Variants in CSMD1 observed in about 807,000 individuals in gnomAD.
CSMD1 encodes the protein CUB and sushi domain-containing protein 1.
A neutral mutation model predicts 417.5 loss-of-function variants in CSMD1; 213 were observed. The ratio of observed to expected loss-of-function variants is 0.51; its 90% confidence interval spans 0.46 to 0.57. The LOEUF (loss-of-function observed/expected upper bound fraction) is 0.57, where lower values mean the gene tolerates loss of function less well. Ranked by LOEUF, CSMD1 falls within the 20% of genes least tolerant of loss-of-function variation. The probability of loss-of-function intolerance (pLI) is 0.00; values close to 1 mark genes in which losing one functional copy is unlikely to be tolerated. For synonymous variants in CSMD1, 2,862 were observed against 1,736.8 expected, an observed-to-expected ratio of 1.65 and a Z score of -16.11; for missense variants, 6,923 against 4,529.7, an observed-to-expected ratio of 1.53 and a Z score of -15.17.
At chr8:3,565,207 TAGATAGAG>T (rs1308854428) in intron 10 of CSMD1, among the ~76,000 whole-genome samples, 2 of 117,246 alleles carry the variant, frequency 1.7e-5, no homozygotes, top group East Asian at 2.7e-4. Flanking sequence ...GACAGATAGA[TAGATAGAG>T]AGATAGACAG....
chr8:4,045,009 T>C (rs1798078156), intron 3 of CSMD1, among the ~76,000 whole-genome samples: 1 of 152,248 alleles, frequency 6.6e-6, no homozygotes, highest in Non-Finnish European at 1.5e-5. Flanking sequence ...ATAATTACAA[T>C]GTTATGCCTG....
intron 1 of CSMD1, among the ~76,000 whole-genome samples, chr8:4,679,013 G>C (rs923546696): frequency 3.9e-5 from 6 of 152,170 alleles, no homozygotes; most frequent in Non-Finnish European, 8.8e-5. Flanking sequence ...GAACAACAGG[G>C]ACCTGCCCAA....
At chr8:3,295,482 C>G (rs1475007910) in intron 25 of CSMD1, among the ~76,000 whole-genome samples, 1 of 152,118 alleles carries the variant, frequency 6.6e-6, no homozygotes, top group Non-Finnish European at 1.5e-5. Context: ...AAAGGTAGAA[C>G]TTTGTTAATT....
At chr8:4,328,395 C>G (rs975838332) in intron 3 of CSMD1, among the ~76,000 whole-genome samples, 5 of 151,746 alleles carry the variant, frequency 3.3e-5, no homozygotes, top group African/African-American at 1.2e-4. Context: ...TTTATTACTT[C>G]TGGTTTCTAC....
chr8:3,877,263 G>C (rs1488704061), intron 5 of CSMD1, among the ~76,000 whole-genome samples: 2 of 152,106 alleles, frequency 1.3e-5, no homozygotes, highest in African/African-American at 2.4e-5. Flanking sequence ...AGATGTCCTG[G>C]TGTGGCCCTT....
chr8:3,174,897 T>C (rs929577745), intron 37 of CSMD1, among the ~76,000 whole-genome samples: 23 of 152,182 alleles, frequency 1.5e-4, no homozygotes, highest in African/African-American at 5.5e-4. Flanking sequence ...ATATTCTTAT[T>C]TTTTACATGT....
rs1815351739 is a variant in CSMD1, at chr8:3,997,994, C to T, written c.727G>A (p.Gly243Arg). ...DCTWTILAEP[G>R]DTIALVFTDF... ...GTGAAGACCAGCGCAATGGTGTCCC[C>T]GGGCTCAGCCAGAATGGTCCAGGTG... The change falls in exon 5 of 70, where the codon GGG becomes AGG. Residue 243 changes from glycine to arginine, a missense_variant. Transcript: ENST00000635120. 1 of 1,609,860 alleles carries T rather than the reference C, an allele frequency of 6.2e-7. No individual in the cohort carries two copies. Among genetic ancestry groups the T allele is most frequent in the Admixed American group, 1.7e-5 (1 of 59,560 alleles).
chr8:4,418,949 T>C (rs1797098091), intron 3 of CSMD1, among the ~76,000 whole-genome samples: 1 of 152,194 alleles, frequency 6.6e-6, no homozygotes, highest in African/African-American at 2.4e-5. Context: ...AGTCGGTCCA[T>C]TCCTATGTCT....
At chr8:4,475,171 G>A (rs1800733085) in intron 2 of CSMD1, among the ~76,000 whole-genome samples, 2 of 152,114 alleles carry the variant, frequency 1.3e-5, no homozygotes, top group Non-Finnish European at 2.9e-5. Flanking sequence ...TATGATTATG[G>A]TTGCCTATAA....
intron 69 of CSMD1, among the ~76,000 whole-genome samples, chr8:2,941,230 C>T (rs1690682150): frequency 6.6e-6 from 1 of 152,110 alleles, no homozygotes; most frequent in South Asian, 2.1e-4. Flanking sequence ...AAGACACAGG[C>T]ACAAGCAGCT....
At chr8:4,204,704 G>A (rs575213659) in intron 3 of CSMD1, among the ~76,000 whole-genome samples, 3 of 152,188 alleles carry the variant, frequency 2.0e-5, no homozygotes, top group Admixed American at 2.0e-4. Context: ...ACCCAGGCTG[G>A]AATGCAGCAG....
chr8:3,307,659 TTTCTC>T, intron 25 of CSMD1, 31 bp downstream of exon 25: 2 of 1,602,178 alleles, frequency 1.2e-6, no homozygotes, highest in Non-Finnish European at 1.7e-6. Context: ...GCATATCTCT[TTTCTC>T]AAATCACTGA....
chr8:4,903,202 A>C (rs1050423136), intron 1 of CSMD1, among the ~76,000 whole-genome samples: 1 of 152,172 alleles, frequency 6.6e-6, no homozygotes, highest in African/African-American at 2.4e-5. Flanking sequence ...TTTAGTTTTA[A>C]AACAGTGCTT....
chr8:3,779,808 G>T (rs1039561958), intron 5 of CSMD1, among the ~76,000 whole-genome samples: 6 of 152,150 alleles, frequency 3.9e-5, no homozygotes, highest in South Asian at 4.1e-4. Flanking sequence ...GAAATATTGA[G>T]CTGAGACATA....
chr8:4,229,612 A>G (rs972442255), intron 3 of CSMD1, among the ~76,000 whole-genome samples: 1 of 152,174 alleles, frequency 6.6e-6, no homozygotes, highest in African/African-American at 2.4e-5. Context: ...TCTTCCCCAG[A>G]TGCCCTCATA....
At chr8:3,260,259 T>G (rs953516590) in intron 26 of CSMD1, among the ~76,000 whole-genome samples, 1 of 152,140 alleles carries the variant, frequency 6.6e-6, no homozygotes. Flanking sequence ...AAGTTGCTCT[T>G]CAGGGTGAGA....
chr8:4,254,217 T>A (rs1450201868), intron 3 of CSMD1, among the ~76,000 whole-genome samples: 3 of 152,086 alleles, frequency 2.0e-5, no homozygotes, highest in African/African-American at 7.2e-5. Context: ...ACGCCAAGCC[T>A]TTCCTTTTAT....
At chr8:4,713,371 G>C (rs1205952765) in intron 1 of CSMD1, among the ~76,000 whole-genome samples, 3 of 132,830 alleles carry the variant, frequency 2.3e-5, no homozygotes, top group Non-Finnish European at 4.8e-5. Flanking sequence ...AGTCAGCTTT[G>C]TGTTTTTGTT....
At chr8:3,680,026 A>G (rs557453660) in intron 7 of CSMD1, among the ~76,000 whole-genome samples, 12 of 152,316 alleles carry the variant, frequency 7.9e-5, no homozygotes, top group African/African-American at 2.9e-4. Flanking sequence ...TCTGGGACAC[A>G]TTTAAAGCAG....
Sources: gnomAD v4.1 joint callset for allele counts (sites outside exome capture counted in the v4.1 genomes callset) on GRCh38, gnomAD v4.1.1 for gene constraint, MANE v1.5 for transcripts, NCBI Gene and HGNC (gene_info 2026-07-23, HGNC 2026-07-21) for gene names.